Variants in GNAI3 observed in about 807,000 individuals in gnomAD.
The protein encoded by GNAI3 is G protein subunit alpha i3.
A neutral mutation model predicts 41.8 loss-of-function variants in GNAI3; 12 were observed. The ratio of observed to expected loss-of-function variants is 0.29; its 90% CI spans 0.18 to 0.47. The LOEUF (loss-of-function observed/expected upper bound fraction) is 0.47. GNAI3 is among the 20% of genes least tolerant of loss of function. GNAI3 has a pLI of 1.00. For synonymous variants in GNAI3, 132 were observed against 146.5 expected, an observed-to-expected ratio of 0.90 and a Z score of 0.71; for missense variants, 360 against 429.6, an observed-to-expected ratio of 0.84 and a Z score of 1.43.
At chr1:109,552,182 G>A (rs914979315) in intron 1 of GNAI3, among the ~76,000 whole-genome samples, 3 of 151,382 alleles carry the variant, frequency 2.0e-5, no homozygotes, top group Non-Finnish European at 4.4e-5. Context: ...AAAAAATAAA[G>A]TGTTCTTGGG....
chr1:109,573,862 A>C, intron 2 of GNAI3, 34 bp from the exon 3 acceptor site: 1 of 1,606,774 alleles, frequency 6.2e-7, no homozygotes, highest in Non-Finnish European at 8.5e-7. Context: ...TTTTAGGTCC[A>C]TGGTATTGAC....
Position 109,590,699 on chromosome 1 carries a change from A to G in GNAI3, c.875-1344A>G, listed in dbSNP as rs187483662. 2.0e-3 allele frequency among the ~76,000 whole-genome samples: 304 copies of G among 151,420 alleles called. 1 individual carries two copies. Among genetic ancestry groups the G allele is most frequent in the African/African-American group, 6.9e-3 (283 of 41,258 alleles). On this transcript the variant is annotated intron_variant, in intron 7 of 8. Transcript: ENST00000369851. ...CAAGTGCTTCTTGTGCCTCAGCTCT[A>G]CTACAGGTGCCCACCACCAGGCCTA...
intron 1 of GNAI3, among the ~76,000 whole-genome samples, chr1:109,550,912 A>G (rs1336505740): frequency 6.6e-6 from 1 of 152,220 alleles, no homozygotes; most frequent in Non-Finnish European, 1.5e-5. Context: ...ATTTACACTG[A>G]CCAACAGAGA....
intron 1 of GNAI3, among the ~76,000 whole-genome samples, chr1:109,570,115 G>A (rs1000433676): frequency 3.3e-5 from 5 of 152,156 alleles, no homozygotes; most frequent in African/African-American, 1.2e-4. Context: ...ATATGAATGA[G>A]AGGATTCACC....
At chr1:109,585,112 TCTA>T (rs1649000937) in intron 5 of GNAI3, among the ~76,000 whole-genome samples, 2 of 152,238 alleles carry the variant, frequency 1.3e-5, no homozygotes, top group Admixed American at 1.3e-4. Context: ...AATGTAGGCC[TCTA>T]GTCACTATAG....
intron 4 of GNAI3, among the ~76,000 whole-genome samples, chr1:109,580,328 C>T (rs114003685): frequency 0.012 from 1,847 of 152,048 alleles, 15 homozygotes; most frequent in Non-Finnish European, 0.021. Flanking sequence ...TGTACTTTTG[C>T]GGGGCCTGGT....
intron 7 of GNAI3, chr1:109,591,741 C>A (rs1020554718): frequency 2.8e-5 from 10 of 362,720 alleles, no homozygotes; most frequent in African/African-American, 4.2e-5. Flanking sequence ...TCCTACTTTC[C>A]TAGTTTCCTT....
At chr1:109,576,555 G>A (rs1416558792) in intron 3 of GNAI3, among the ~76,000 whole-genome samples, 1 of 150,456 alleles carries the variant, frequency 6.6e-6, no homozygotes, top group East Asian at 2.0e-4. Flanking sequence ...TTTCACTCTT[G>A]TTGCCCAGGC....
intron 1 of GNAI3, among the ~76,000 whole-genome samples, chr1:109,559,169 G>A (rs907655308): frequency 8.6e-5 from 13 of 151,578 alleles, no homozygotes; most frequent in African/African-American, 3.2e-4. Flanking sequence ...GTGACAGAGC[G>A]AGACTCTGTC....
At chr1:109,572,298 G>C (rs1029045539) in intron 1 of GNAI3, among the ~76,000 whole-genome samples, 3 of 152,094 alleles carry the variant, frequency 2.0e-5, no homozygotes, top group African/African-American at 7.2e-5. Flanking sequence ...CTACAGAGCG[G>C]GACTCCATCT....
At chr1:109,590,166 C>G (rs1030263620) in intron 7 of GNAI3, among the ~76,000 whole-genome samples, 6 of 152,096 alleles carry the variant, frequency 3.9e-5, no homozygotes, top group Non-Finnish European at 1.5e-5. Context: ...ATGTGGTTAC[C>G]TGTTCAGAGT....
At chr1:109,574,757 A>G (rs1648692941) in intron 3 of GNAI3, among the ~76,000 whole-genome samples, 1 of 152,182 alleles carries the variant, frequency 6.6e-6, no homozygotes, top group South Asian at 2.1e-4. Flanking sequence ...AGGCTGGGAA[A>G]TTATAGAATT....
chr1:109,560,685 G>A (rs769018651), intron 1 of GNAI3, among the ~76,000 whole-genome samples: 10 of 152,120 alleles, frequency 6.6e-5, no homozygotes, highest in African/African-American at 9.7e-5. Context: ...TGAGTGGCTG[G>A]GACTACAGGC....
rs1214380805 is a variant in GNAI3, at chr1:109,598,412, A to G, written c.*6090A>G. Reference sequence around the variant, plus strand: ...TAAATCACTCATCTGTTATCTAAAGATGGACTAAATTATTCCTTCCTGCTG... The same window carrying G: ...TAAATCACTCATCTGTTATCTAAAGGTGGACTAAATTATTCCTTCCTGCTG... On this transcript the variant is annotated 3_prime_UTR_variant, in exon 9 of 9. Coordinates refer to ENST00000369851, the MANE Select transcript of GNAI3 (RefSeq NM_006496.4). The G allele has an allele frequency of 2.0e-5, 3 of 152,980 alleles. No homozygotes were observed. The highest frequency in any genetic ancestry group is 2.9e-5 in the Non-Finnish European group (2 of 68,596). 9.5% of individuals were successfully genotyped at this position (152,980 alleles called of 1,614,324 possible).
At chr1:109,554,798 A>C (rs538259359) in intron 1 of GNAI3, among the ~76,000 whole-genome samples, 4 of 152,290 alleles carry the variant, frequency 2.6e-5, no homozygotes, top group African/African-American at 9.6e-5. Flanking sequence ...AATGGCTAGA[A>C]GGGTTTTTCC....
At chr1:109,584,572 A>C (rs1335479303) in intron 5 of GNAI3, among the ~76,000 whole-genome samples, 1 of 152,180 alleles carries the variant, frequency 6.6e-6, no homozygotes, top group African/African-American at 2.4e-5. Context: ...TGGCATGTAG[A>C]TATCTTGTTA....
intron 1 of GNAI3, among the ~76,000 whole-genome samples, chr1:109,573,180 A>C (rs776739135): frequency 6.6e-6 from 1 of 152,162 alleles, no homozygotes; most frequent in Non-Finnish European, 1.5e-5. Context: ...ATTTGTGGTC[A>C]TTTGTTTAAA....
At chr1:109,564,589 C>G (rs1648402802) in intron 1 of GNAI3, among the ~76,000 whole-genome samples, 1 of 152,154 alleles carries the variant, frequency 6.6e-6, no homozygotes, top group African/African-American at 2.4e-5. Flanking sequence ...ACATGTATCT[C>G]CTAGTGCAGA....
At chr1:109,559,187 A>T (rs78296128) in intron 1 of GNAI3, among the ~76,000 whole-genome samples, 2 of 149,716 alleles carry the variant, frequency 1.3e-5, no homozygotes, top group Admixed American at 1.3e-4. Context: ...GTCTCAAAAG[A>T]AAAAAAAAAG....
Sources: gnomAD v4.1 joint callset for allele counts (sites outside exome capture counted in the v4.1 genomes callset) on GRCh38, gnomAD v4.1.1 for gene constraint, MANE v1.5 for transcripts, NCBI Gene and HGNC (gene_info 2026-07-23, HGNC 2026-07-21) for gene names.